The following SORCS3 variants were observed in gnomAD, a reference collection of about 807,000 sequenced individuals.
SORCS3 encodes sortilin related VPS10 domain containing receptor 3.
Under a neutral mutation model 146.3 loss-of-function variants are expected in SORCS3, and 57 were observed. The ratio of observed to expected loss-of-function variants is 0.39; its 90% CI spans 0.31 to 0.49. The LOEUF is 0.49. Ranked by LOEUF, SORCS3 falls within the 20% of genes least tolerant of loss-of-function variation. SORCS3 has a pLI of 0.92. For synonymous variants in SORCS3, 653 were observed against 618.5 expected (o/e 1.06, Z -0.83); for missense variants, 1,341 against 1,575.5 (o/e 0.85, Z 2.52).
intron 1 of SORCS3, among the ~76,000 whole-genome samples, chr10:104,668,173 G>A (rs935807175): frequency 9.9e-5 from 15 of 152,188 alleles, no homozygotes. Flanking sequence ...GTGCGCGCAT[G>A]TGTGTGCACG....
intron 3 of SORCS3, among the ~76,000 whole-genome samples, chr10:104,972,920 G>T (rs1012408001): frequency 4.3e-4 from 66 of 152,202 alleles, no homozygotes; most frequent in African/African-American, 1.7e-4. Context: ...GTTGAATTTT[G>T]TCAAAGGCCT....
At chr10:105,099,238 G>A (rs1297952049) in intron 6 of SORCS3, among the ~76,000 whole-genome samples, 2 of 152,114 alleles carry the variant, frequency 1.3e-5, no homozygotes, top group African/African-American at 4.8e-5. Context: ...GAGAGTTAAT[G>A]TTACATAAAA....
chr10:104,650,211 T>TCCCTTTTTGCCTTCACCCTGTGTA (rs1280771065), intron 1 of SORCS3, among the ~76,000 whole-genome samples: 1 of 152,230 alleles, frequency 6.6e-6, no homozygotes, highest in Non-Finnish European at 1.5e-5. Context: ...AGGCTTGAGT[T>TCCCTTTTTGCCTTCACCCTGTGTA]CCCTTTTTGC....
At chr10:104,897,864 C>A (rs1298497495) in intron 2 of SORCS3, among the ~76,000 whole-genome samples, 4 of 152,200 alleles carry the variant, frequency 2.6e-5, no homozygotes, top group Admixed American at 6.5e-5. Context: ...TGCTTGCCAG[C>A]CAGCCTTTGA....
intron 1 of SORCS3, among the ~76,000 whole-genome samples, chr10:104,650,088 A>AT (rs1357281593): frequency 6.6e-6 from 1 of 152,196 alleles, no homozygotes; most frequent in African/African-American, 2.4e-5. Context: ...CTGTTGTGAA[A>AT]TGGGCATATC....
chr10:104,978,555 A>G (rs983657754), intron 4 of SORCS3, among the ~76,000 whole-genome samples: 1 of 152,120 alleles, frequency 6.6e-6, no homozygotes, highest in African/African-American at 2.4e-5. Context: ...TTAGAAACCT[A>G]GGGAGTATCT....
At chr10:105,173,010 T>G (rs926157773) in intron 13 of SORCS3, among the ~76,000 whole-genome samples, 30 of 152,202 alleles carry the variant, frequency 2.0e-4, no homozygotes, top group Admixed American at 1.2e-3. Context: ...GTTTCTGTCT[T>G]ATAAATGACT....
At chr10:104,739,197 C>T (rs894217115) in intron 1 of SORCS3, among the ~76,000 whole-genome samples, 10 of 152,256 alleles carry the variant, frequency 6.6e-5, no homozygotes, top group South Asian at 4.1e-4. Context: ...TGTGTCTGAG[C>T]GATGTCAAGA....
rs760908346 is a variant in SORCS3, at chr10:104,641,980, C to A, written c.627+26C>A. On this transcript the variant is annotated intron_variant, in intron 1 of 26. Coordinates refer to ENST00000369701, the MANE Select transcript of SORCS3 (RefSeq NM_014978.3). The surrounding 1 kb of genome is among the most constrained non-coding windows in gnomAD (Gnocchi z 6.4). Reference sequence around the variant, plus strand: ...GTGAGTACCCACCCGGCGGCGGGTCCGCCTGTTTCCTGACACCGAAGGGGA... The same window carrying A: ...GTGAGTACCCACCCGGCGGCGGGTCAGCCTGTTTCCTGACACCGAAGGGGA... The A allele has an allele frequency of 2.0e-5, 25 of 1,242,912 alleles. No homozygotes were observed. The South Asian group carries it at 2.3e-4, about 12-fold the overall frequency. The allele number at this position is 1,242,912 out of a possible 1,614,324, so 77.0% of individuals were successfully genotyped here. A position where few individuals can be genotyped will look rare whatever the true frequency, so the allele number is the denominator to read the frequency against.
chr10:104,940,564 G>A (rs2019310685), intron 3 of SORCS3, among the ~76,000 whole-genome samples: 1 of 151,772 alleles, frequency 6.6e-6, no homozygotes, highest in Admixed American at 6.6e-5. Flanking sequence ...CCCTACAAAG[G>A]ACATGAATTC....
chr10:104,774,955 C>T (rs576919008), intron 1 of SORCS3, among the ~76,000 whole-genome samples: 1 of 152,276 alleles, frequency 6.6e-6, no homozygotes, highest in South Asian at 2.1e-4. Context: ...ACATATTTCT[C>T]ATGGACTGTA....
intron 2 of SORCS3, among the ~76,000 whole-genome samples, chr10:104,881,929 G>T (rs1299117072): frequency 6.6e-6 from 1 of 152,156 alleles, no homozygotes; most frequent in Non-Finnish European, 1.5e-5. Context: ...GATTGAAAGG[G>T]ATTTAAAAAC....
At chr10:104,949,248 ATGTT>A (rs1297159060) in intron 3 of SORCS3, among the ~76,000 whole-genome samples, 5 of 152,144 alleles carry the variant, frequency 3.3e-5, no homozygotes, top group African/African-American at 1.2e-4. Context: ...CACAGATACT[ATGTT>A]TGTGTTTGAG....
chr10:104,717,363 G>T (rs1017800423), intron 1 of SORCS3, among the ~76,000 whole-genome samples: 1 of 150,250 alleles, frequency 6.7e-6, no homozygotes, highest in Non-Finnish European at 1.5e-5. Flanking sequence ...AGAAAGAGAT[G>T]TTCTGTTTTG....
intron 1 of SORCS3, among the ~76,000 whole-genome samples, chr10:104,725,316 T>C (rs112749631): frequency 2.5e-4 from 38 of 152,350 alleles, no homozygotes; most frequent in African/African-American, 8.4e-4. Context: ...CAAATGTTGC[T>C]GCCTGATCAT....
intron 1 of SORCS3, among the ~76,000 whole-genome samples, chr10:104,712,803 A>G (rs1357911450): frequency 6.6e-6 from 1 of 152,212 alleles, no homozygotes; most frequent in Non-Finnish European, 1.5e-5. Context: ...AAACTGGATA[A>G]TTCAGTCAAG....
At position 105,192,202 on chromosome 10, in the gene SORCS3, A is replaced by G. The variant is rs559440398; in HGVS notation, c.2010-7797A>G. Among the ~76,000 whole-genome samples the G allele has an allele frequency of 1.4e-4, 22 of 152,278 alleles. No homozygotes were observed. The South Asian group carries it at 3.9e-3, about 27-fold the overall frequency. On this transcript the variant is annotated intron_variant, in intron 14 of 26. Coordinates refer to ENST00000369701, the MANE Select transcript of SORCS3 (RefSeq NM_014978.3). The stretch of plus-strand genomic sequence containing the variant: ...AATCATTTTGTTTCTTAAAGAGGAA[A>G]TAAGGATGGTCTCTGGAAAATATTT...
Position 105,165,715 on chromosome 10 carries a change from G to A in SORCS3, c.1809+1336G>A, listed in dbSNP as rs542141516. On this transcript the variant is annotated intron_variant, in intron 12 of 26. Transcript: ENST00000369701. ...GGAAGCTGGAATACAAACTCATCTG[G>A]TAAAAAAAATCTCCTCATAGGCAAA... Among the ~76,000 whole-genome samples the A allele has an allele frequency of 2.6e-5, 4 of 152,126 alleles. No homozygotes were observed. The South Asian group carries it at 8.3e-4, about 32-fold the overall frequency.
At chr10:104,940,936 C>A (rs1385354493) in intron 3 of SORCS3, among the ~76,000 whole-genome samples, 1 of 152,140 alleles carries the variant, frequency 6.6e-6, no homozygotes, top group Non-Finnish European at 1.5e-5. Context: ...CCCAGTCAGT[C>A]CTAAGCCAAA....
Sources: gnomAD v4.1 joint callset for allele counts (sites outside exome capture counted in the v4.1 genomes callset) on GRCh38, gnomAD v4.1.1 for gene constraint, Gnocchi (gnomAD v3.1) non-coding constraint, MANE v1.5 for transcripts, NCBI Gene and HGNC (gene_info 2026-07-23, HGNC 2026-07-21) for gene names.